The following ANKRD36 variants were observed in gnomAD, a reference collection of about 807,000 sequenced individuals.
The protein encoded by ANKRD36 is ankyrin repeat domain 36, also known as ankyrin repeat domain-containing protein 36A.
In ANKRD36, 179 loss-of-function variants were observed where a neutral mutation model predicts 278.1. That is an observed-to-expected ratio of 0.64 (90% CI 0.57 to 0.73). The LOEUF (loss-of-function observed/expected upper bound fraction) is 0.73. ANKRD36 is among the 30% of genes least tolerant of loss of function. ANKRD36 has a pLI of 0.00. For synonymous variants in ANKRD36, 320 were observed against 641.1 expected (o/e 0.50, Z 7.57); for missense variants, 1,159 against 1,956.7 (o/e 0.59, Z 7.69).
chr2:97,190,937 G>A lies in ANKRD36; in HGVS notation c.2246-41G>A, dbSNP rs1487754620. ...GTGAATGTATGGATAACTTTATCATGTTTATATATGAGTGATTATGTATCC... is the reference window on the plus strand; with the variant it reads ...GTGAATGTATGGATAACTTTATCATATTTATATATGAGTGATTATGTATCC... On this transcript the variant is annotated intron_variant, in intron 34 of 75. Transcript: ENST00000420699. 9.4e-6 allele frequency: 15 copies of A among 1,597,146 alleles called. No homozygotes were observed. In the Middle Eastern group the frequency reaches 1.4e-3, roughly 145 times the overall value.
chr2:97,135,954 C>T (rs912728889), intron 6 of ANKRD36, among the ~76,000 whole-genome samples: 3 of 151,840 alleles, frequency 2.0e-5, no homozygotes, highest in African/African-American at 4.8e-5. Context: ...TGTCATACAA[C>T]TCCTAAAATC....
intron 24 of ANKRD36, among the ~76,000 whole-genome samples, chr2:97,180,585 A>G (rs534097757): frequency 3.0e-4 from 45 of 151,608 alleles, no homozygotes; most frequent in Middle Eastern, 3.4e-3. Flanking sequence ...ACAGTGACTC[A>G]TTACTCCTCT....
In ANKRD36 at chr2:97,183,467, C is replaced by T. The variant is rs189988334; in HGVS notation, c.1846C>T (p.Gln616Ter). The T allele has an allele frequency of 1.2e-4, 187 of 1,563,958 alleles. 1 individual carries two copies. In the African/African-American group the frequency reaches 1.8e-3, roughly 15 times the overall value. The change falls in exon 27 of 76, where the codon CAG becomes TAG. Residue 616 changes from glutamine (Q) to a stop codon, truncating the protein, a stop_gained. Coordinates refer to ENST00000420699, the MANE Select transcript of ANKRD36 (RefSeq NM_001354587.1). LOFTEE classifies it high-confidence loss of function. ...TTTCTTTTACTTTTCAGTGTCTCCT[C>T]AGAAACAATCGGCCTGGAAGGTAGT... is the stretch of plus-strand genomic sequence containing the variant. The part of the protein sequence containing the change: ...KGQQSGTVSP[Q>*]KQSAWKVIFK...
Position 97,158,110 on chromosome 2 carries a change from A to G in ANKRD36, c.1264A>G (p.Ile422Val). The G allele has an allele frequency of 6.6e-7, 1 of 1,505,262 alleles. No individual in the cohort carries two copies. The highest frequency in any genetic ancestry group is 8.9e-7 in the Non-Finnish European group (1 of 1,119,496). The allele number at this position is 1,505,262 out of a possible 1,614,324, so 93.2% of individuals were successfully genotyped here. The change falls in exon 16 of 76, where the codon ATT (isoleucine) becomes GTT (valine). Residue 422 changes from isoleucine (I) to valine (V), a missense_variant. Ile to Val is a conservative substitution (Grantham distance 29). Coordinates refer to ENST00000420699, the MANE Select transcript of ANKRD36 (RefSeq NM_001354587.1). The part of the protein sequence containing the change: ...KDKFALESEN[I>V]SEPYFTNRRT... ...TTAAACCTATTGTGTCTTCTAGAATATTTCAGAACCATACTTTACGAACAG... is the reference window on the plus strand; with the variant it reads ...TTAAACCTATTGTGTCTTCTAGAATGTTTCAGAACCATACTTTACGAACAG...
At chr2:97,200,738 G>C (rs1223861159) in intron 46 of ANKRD36, among the ~76,000 whole-genome samples, 7 of 151,876 alleles carry the variant, frequency 4.6e-5, no homozygotes, top group African/African-American at 7.2e-5. Flanking sequence ...ATTACAATTG[G>C]GAGGAAGAAA....
chr2:97,226,819 G>A (rs2069853326), intron 67 of ANKRD36, among the ~76,000 whole-genome samples: 1 of 151,376 alleles, frequency 6.6e-6, no homozygotes. Context: ...GTAAGGAAGG[G>A]ATCCAGTTGC....
intron 48 of ANKRD36, 47 bp from the exon 49 acceptor site, chr2:97,204,021 T>C: frequency 6.5e-7 from 1 of 1,549,420 alleles, no homozygotes; most frequent in Non-Finnish European, 8.7e-7. Flanking sequence ...ATGGATAATT[T>C]TGTCATTTTT....
intron 42 of ANKRD36, among the ~76,000 whole-genome samples, chr2:97,198,227 T>C (rs1362809257): frequency 2.0e-5 from 3 of 152,034 alleles, no homozygotes; most frequent in Non-Finnish European, 2.9e-5. Context: ...TTTTAGTTTT[T>C]GGCATATGAC....
At chr2:97,195,134 G>A (rs1481981723) in intron 40 of ANKRD36, among the ~76,000 whole-genome samples, 1 of 151,990 alleles carries the variant, frequency 6.6e-6, no homozygotes, top group Non-Finnish European at 1.5e-5. Flanking sequence ...CAATTGGGAG[G>A]AAGAAATATG....
intron 67 of ANKRD36, among the ~76,000 whole-genome samples, chr2:97,227,279 G>C (rs1309753876): frequency 3.9e-5 from 6 of 152,114 alleles, no homozygotes; most frequent in Non-Finnish European, 7.3e-5. Context: ...TCTTCCATTT[G>C]TTTGTATCCT....
chr2:97,179,800 A>C, intron 23 of ANKRD36, 34 bp downstream of exon 23: 1 of 1,597,506 alleles, frequency 6.3e-7, no homozygotes, highest in Non-Finnish European at 8.5e-7. Flanking sequence ...TTGAACTATT[A>C]ACTGTATAGT....
At chr2:97,175,461 G>A (rs963073684) in intron 22 of ANKRD36, among the ~76,000 whole-genome samples, 80 of 151,800 alleles carry the variant, frequency 5.3e-4, no homozygotes, top group Middle Eastern at 3.4e-3. Context: ...CTGTGGGATC[G>A]GTGGTGATAT....
At chr2:97,165,143 A>G (rs2153502949) in intron 20 of ANKRD36, among the ~76,000 whole-genome samples, 1 of 152,366 alleles carries the variant, frequency 6.6e-6, no homozygotes, top group African/African-American at 2.4e-5. Context: ...CATTAAAAAT[A>G]CTTTACAAGA....
intron 61 of ANKRD36, 41 bp downstream of exon 61, chr2:97,215,370 T>G: frequency 6.5e-7 from 1 of 1,527,154 alleles, no homozygotes; most frequent in Non-Finnish European, 8.8e-7. Flanking sequence ...ATTAACTGTA[T>G]AGTCTATGAA....
In ANKRD36 at chr2:97,209,110, TAATG is replaced by T. The variant is rs2063662202; in HGVS notation, c.3266-567_3266-564del. On this transcript the variant is annotated intron_variant, in intron 54 of 75. Transcript: ENST00000420699. Reference sequence around the variant, plus strand: ...TATTACACTACATGGGTGTGAAAGATAATGAATATTATCTACTAGGTATCAGCAA... The same window carrying T: ...TATTACACTACATGGGTGTGAAAGATAATATTATCTACTAGGTATCAGCAA... Among the ~76,000 whole-genome samples the T allele has an allele frequency of 2.0e-5, 3 of 146,638 alleles. 1 individual carries two copies. The highest frequency in any genetic ancestry group is 5.3e-5 in the African/African-American group (2 of 37,718).
At chr2:97,223,345 T>G (rs1442875414) in intron 66 of ANKRD36, among the ~76,000 whole-genome samples, 1 of 150,988 alleles carries the variant, frequency 6.6e-6, no homozygotes, top group African/African-American at 2.4e-5. Context: ...GTGATCCACT[T>G]GCTTCAGCCT....
intron 75 of ANKRD36, among the ~76,000 whole-genome samples, chr2:97,255,967 G>GTTTTTTT (rs1183724551): frequency 9.2e-6 from 1 of 108,800 alleles, no homozygotes. Flanking sequence ...TTTTGAAAGA[G>GTTTTTTT]TTTGAGAGTA....
intron 67 of ANKRD36, among the ~76,000 whole-genome samples, chr2:97,231,230 G>A (rs2071919878): frequency 6.6e-6 from 1 of 152,146 alleles, no homozygotes; most frequent in South Asian, 2.1e-4. Flanking sequence ...GTTTCTCTGT[G>A]CCCTGCCCCC....
Position 97,164,402 on chromosome 2 carries a change from G to T in ANKRD36, c.1464G>T (p.Thr488=). Reference sequence around the variant, plus strand: ...ATGTTGTCAAACCCATTCAGCATACGGTGAAAGACAGAGATCACATTTCAA... The same window carrying T: ...ATGTTGTCAAACCCATTCAGCATACTGTGAAAGACAGAGATCACATTTCAA... The part of the protein sequence containing the change: ...SPEQPPLFTH[T]VKDRDHISTR... The change falls in exon 20 of 76, where the codon ACG becomes ACT. Residue 488 remains threonine (T), a synonymous_variant. Transcript: ENST00000420699. The T allele has an allele frequency of 2.0e-6, 3 of 1,537,638 alleles. No homozygotes were observed. The highest frequency in any genetic ancestry group is 2.6e-6 in the Non-Finnish European group (3 of 1,146,864).
Sources: gnomAD v4.1 joint callset for allele counts (sites outside exome capture counted in the v4.1 genomes callset) on GRCh38, gnomAD v4.1.1 for gene constraint, MANE v1.5 for transcripts, NCBI Gene and HGNC (gene_info 2026-07-23, HGNC 2026-07-21) for gene names.